ATP13A4: variants seen among roughly 807,000 people sequenced by gnomAD.
ATP13A4 encodes the protein probable cation-transporting ATPase 13A4.
A neutral mutation model predicts 142.5 loss-of-function variants in ATP13A4; 114 were observed. That is an observed-to-expected ratio of 0.80 (90% CI 0.69 to 0.93). The LOEUF (loss-of-function observed/expected upper bound fraction) is 0.93, where lower values mean the gene tolerates loss of function less well. ATP13A4 is among the 40% of genes least tolerant of loss of function. The pLI, the probability that ATP13A4 is intolerant of heterozygous loss-of-function variation, is 0.00. For synonymous variants in ATP13A4, 488 were observed against 514.8 expected (o/e 0.95, Z 0.70); for missense variants, 1,392 against 1,454.0 (o/e 0.96, Z 0.69).
At chr3:193,574,885 C>A (rs1724361125) in intron 2 of ATP13A4, among the ~76,000 whole-genome samples, 2 of 152,226 alleles carry the variant, frequency 1.3e-5, no homozygotes, top group South Asian at 4.1e-4. Flanking sequence ...AGCCAGTGGG[C>A]AGACTATGGT....
chr3:193,489,665 A>G (rs1376447346), intron 7 of ATP13A4, 65 bp downstream of exon 7: 3 of 1,533,506 alleles, frequency 2.0e-6, no homozygotes, highest in Non-Finnish European at 2.7e-6. Flanking sequence ...CTCCTTTCTA[A>G]CAAATTTTTA....
intron 2 of ATP13A4, among the ~76,000 whole-genome samples, chr3:193,503,254 A>G (rs1720660765): frequency 6.6e-6 from 1 of 152,310 alleles, no homozygotes; most frequent in South Asian, 2.1e-4. Flanking sequence ...AACCTGCCCA[A>G]GGTAATTGCC....
chr3:193,452,688 T>C lies in ATP13A4; in HGVS notation c.2027+1413A>G, dbSNP rs558193037. ...TATCCTACTGGACATTCATGAACACTGAAAAAAGTTATTATACTTTTCTAA... is the reference window on the plus strand; with the variant it reads ...TATCCTACTGGACATTCATGAACACCGAAAAAAGTTATTATACTTTTCTAA... On this transcript the variant is annotated intron_variant, in intron 17 of 29. Coordinates refer to ENST00000342695, the MANE Select transcript of ATP13A4 (RefSeq NM_032279.4). Among the ~76,000 whole-genome samples, 28 of 149,656 alleles carry C rather than the reference T, an allele frequency of 1.9e-4. No homozygotes were observed. The South Asian group carries it at 4.7e-3, about 25-fold the overall frequency.
At chr3:193,449,575 G>A (rs1717149729) in intron 17 of ATP13A4, among the ~76,000 whole-genome samples, 1 of 152,128 alleles carries the variant, frequency 6.6e-6, no homozygotes, top group South Asian at 2.1e-4. Context: ...TCTATGATCT[G>A]GTTCCAAATT....
chr3:193,419,876 C>G lies in ATP13A4; in HGVS notation c.2843-5126G>C, dbSNP rs1465254357. On this transcript the variant is annotated intron_variant, in intron 25 of 29. Transcript: ENST00000342695. ...TGCCCCTCCAGGGCCCAAGTGATAG[C>G]TGTGCCATTTTGGGTTCTTTGCTGT... Among the ~76,000 whole-genome samples, 18 of 150,300 alleles carry G rather than the reference C, an allele frequency of 1.2e-4. 2 individuals are homozygous for G. In the East Asian group the frequency reaches 3.5e-3, roughly 29 times the overall value.
At chr3:193,554,663 T>C (rs898160920) in intron 1 of ATP13A4, 77 bp downstream of exon 1, 66 of 674,680 alleles carry the variant, frequency 9.8e-5, no homozygotes, top group East Asian at 8.7e-4. Context: ...CGTGTGTGTG[T>C]GTGTGTGTGT....
At chr3:193,423,911 C>T (rs1034124110) in intron 25 of ATP13A4, among the ~76,000 whole-genome samples, 6 of 149,176 alleles carry the variant, frequency 4.0e-5, no homozygotes, top group Admixed American at 7.0e-5. Flanking sequence ...GTGGCATGCT[C>T]TTATACATAG....
At chr3:193,541,414 C>CTATCTGTGATTATCGATCACAGAT (rs1722920897) in intron 1 of ATP13A4, among the ~76,000 whole-genome samples, 1 of 93,418 alleles carries the variant, frequency 1.1e-5, no homozygotes, top group African/African-American at 3.2e-5. Context: ...CACAGATTAT[C>CTATCTGTGATTATCGATCACAGAT]TATCTGTGAT....
At chr3:193,436,617 T>A (rs1576959090) in intron 23 of ATP13A4, among the ~76,000 whole-genome samples, 2 of 151,772 alleles carry the variant, frequency 1.3e-5, no homozygotes, top group Admixed American at 1.3e-4. Flanking sequence ...CTAGCTAATT[T>A]TTTTTTGTAT....
chr3:193,554,667 TG>T, intron 1 of ATP13A4, 72 bp downstream of exon 1: 5 of 1,191,068 alleles, frequency 4.2e-6, no homozygotes, highest in Non-Finnish European at 6.0e-6. Context: ...TGTGTGTGTG[TG>T]TGTGTGTGTG....
intron 1 of ATP13A4, chr3:193,553,391 A>C (rs1238295835): frequency 6.6e-6 from 1 of 152,240 alleles, no homozygotes; most frequent in African/African-American, 2.4e-5. Flanking sequence ...TTACTGGAAA[A>C]GAGTGAGTGT....
At chr3:193,458,736 C>T (rs969880669) in intron 14 of ATP13A4, 6 of 483,870 alleles carry the variant, frequency 1.2e-5, no homozygotes, top group African/African-American at 3.8e-5. Flanking sequence ...GGAAAATCTT[C>T]GAAACCAGAC....
At chr3:193,462,137 G>A (rs1183277230) in intron 13 of ATP13A4, among the ~76,000 whole-genome samples, 1 of 151,080 alleles carries the variant, frequency 6.6e-6, no homozygotes, top group Admixed American at 6.6e-5. Context: ...CAGGAGAATC[G>A]CTTGAACCCA....
At chr3:193,424,953 T>G (rs1462029630) in intron 25 of ATP13A4, among the ~76,000 whole-genome samples, 1 of 147,584 alleles carries the variant, frequency 6.8e-6, no homozygotes, top group African/African-American at 2.5e-5. Context: ...TGACAAGGGA[T>G]TAATATCCAG....
At chr3:193,548,373 A>C (rs1160516874) in intron 1 of ATP13A4, among the ~76,000 whole-genome samples, 1 of 152,212 alleles carries the variant, frequency 6.6e-6, no homozygotes, top group African/African-American at 2.4e-5. Flanking sequence ...AGAAAATGTT[A>C]ATTGAGCAGG....
intron 2 of ATP13A4, among the ~76,000 whole-genome samples, chr3:193,503,400 A>G (rs1015581727): frequency 6.6e-6 from 1 of 152,212 alleles, no homozygotes. Flanking sequence ...AGAAACAGAT[A>G]CCACAATGGT....
chr3:193,563,879 T>C (rs529846710), intron 2 of ATP13A4, among the ~76,000 whole-genome samples: 10 of 152,304 alleles, frequency 6.6e-5, no homozygotes, highest in Admixed American at 2.6e-4. Context: ...ACTGTCTAAC[T>C]TGGGGCAACC....
Position 193,466,120 on chromosome 3 carries a change from G to A in ATP13A4, c.1177C>T (p.Gln393Ter). Residue 393 changes from glutamine to a stop codon, truncating the protein, a stop_gained, in exon 11 of 30, where the codon CAG becomes TAG. Coordinates refer to ENST00000342695, the MANE Select transcript of ATP13A4 (RefSeq NM_032279.4). LOFTEE classifies it high-confidence loss of function. The stretch of plus-strand genomic sequence containing the variant: ...AACCTGATGGCATCCCTGTACAACT[G>A]AAAATTCACTGGCTTAGGGTAGAGA... ...SILYPKPVNF[Q>*]LYRDAIRFLL... 6.2e-7 allele frequency: 1 copy of A among 1,614,132 alleles called. No homozygotes were observed. Among genetic ancestry groups the A allele is most frequent in the Non-Finnish European group, 8.5e-7 (1 of 1,180,016 alleles).
chr3:193,438,616 T>A, intron 22 of ATP13A4, 32 bp from the exon 23 acceptor site: 1 of 1,552,636 alleles, frequency 6.4e-7, no homozygotes, highest in South Asian at 1.1e-5. Context: ...ACTCCTCACA[T>A]AGACTCACGT....
Sources: allele counts gnomAD v4.1 joint callset (sites outside exome capture counted in the v4.1 genomes callset), GRCh38; gene constraint gnomAD v4.1.1; transcripts MANE v1.5; gene names NCBI Gene and HGNC (gene_info 2026-07-23, HGNC 2026-07-21).